STS: variants seen among roughly 807,000 people sequenced by gnomAD.
STS encodes the protein steroid sulfatase, also known as steryl-sulfatase.
In STS, 7 loss-of-function variants were observed where a neutral mutation model predicts 26.8. That is an observed-to-expected ratio of 0.26 (90% confidence interval 0.15 to 0.49). STS has a LOEUF of 0.49. Among genes scored for constraint, STS ranks in the 20% least tolerant of loss-of-function variants. The pLI is 0.98. For missense variants in STS, 434 were observed against 465.6 expected, an observed-to-expected ratio of 0.93 and a Z score of 0.63; for synonymous variants, 199 against 189.4, an observed-to-expected ratio of 1.05 and a Z score of -0.42.
intron 7 of STS, among the ~76,000 whole-genome samples, chrX:7,279,292 A>T (rs4402067): frequency 0.071 from 4,458 of 62,718 alleles, 113 homozygotes; most frequent in East Asian, 0.24. Flanking sequence ...AAAAAAAAAA[A>T]ATATATATAT....
intron 6 of STS, among the ~76,000 whole-genome samples, chrX:7,274,537 AC>A (rs1924436793): frequency 8.9e-6 from 1 of 112,196 alleles, no homozygotes; most frequent in Non-Finnish European, 1.9e-5. Context: ...TCAGAGGGCA[AC>A]CCGATGTGAA....
intron 9 of STS, among the ~76,000 whole-genome samples, chrX:7,328,509 C>T (rs1927586376): frequency 9.1e-6 from 1 of 109,409 alleles, no homozygotes; most frequent in Admixed American, 9.8e-5. Flanking sequence ...AGATTCCCCT[C>T]TGTTTCTGAT....
intron 2 of STS, among the ~76,000 whole-genome samples, chrX:7,223,172 C>T (rs1287502684): frequency 9.0e-6 from 1 of 111,541 alleles, no homozygotes; most frequent in African/African-American, 3.3e-5. Flanking sequence ...AGGTTGATTC[C>T]ATATCTTTGG....
intron 1 of STS, among the ~76,000 whole-genome samples, chrX:7,169,440 G>A (rs949627705): frequency 5.4e-5 from 6 of 111,899 alleles, no homozygotes; most frequent in Non-Finnish European, 9.4e-5. Context: ...TACCACATTC[G>A]GCTTATCCCT....
At chrX:7,307,115 T>C (rs919835033) in intron 8 of STS, among the ~76,000 whole-genome samples, 1 of 111,307 alleles carries the variant, frequency 9.0e-6, no homozygotes, top group Non-Finnish European at 1.9e-5. Flanking sequence ...ACAACCTTCA[T>C]AGGCTGCTCA....
Position 7,259,388 on chromosome X carries a change from A to C in STS, c.422A>C (p.Asp141Ala). The C allele has an allele frequency of 1.7e-6, 2 of 1,211,106 alleles. No individual in the cohort carries two copies. The highest frequency in any genetic ancestry group is 2.2e-6 in the Non-Finnish European group (2 of 895,224). The change falls in exon 6 of 11, where the codon GAC (aspartate) becomes GCC (alanine). Residue 141 changes from aspartate to alanine, a missense_variant. Asp to Ala is a moderately radical substitution (Grantham distance 126). Transcript: ENST00000674429. ...GGGATGAGCTGTCACAGCAAGACTG[A>C]CTTCTGTCACCACCCTTTACATCAC... is the stretch of plus-strand genomic sequence containing the variant. ...HLGMSCHSKTDFCHHPLHHGF... is the reference protein window; with the variant it reads ...HLGMSCHSKTAFCHHPLHHGF...
chrX:7,154,421 G>A (rs1301593656), intron 1 of STS, among the ~76,000 whole-genome samples: 1 of 112,474 alleles, frequency 8.9e-6, no homozygotes, highest in African/African-American at 3.2e-5. Context: ...TTGGCTCATT[G>A]TTTCATAGCA....
rs932832616 is a variant in STS, at chrX:7,304,952, C to T, written c.944-94C>T. 1.1e-5 allele frequency: 11 copies of T among 1,046,094 alleles called. No individual in the cohort carries two copies. The Admixed American group carries it at 1.1e-4, about 11-fold the overall frequency. 86.2% of individuals were successfully genotyped at this position (1,046,094 alleles called of 1,213,427 possible). On this transcript the variant is annotated intron_variant, in intron 7 of 10. Coordinates refer to ENST00000674429, the MANE Select transcript of STS (RefSeq NM_001320752.2). ...CAATATGTAAGAACGTTTACTTCCA[C>T]CTTGAGAAATTAGCCACCCACTGAG...
intron 2 of STS, 87 bp downstream of exon 2, chrX:7,191,095 G>A (rs1933863675): frequency 2.2e-6 from 1 of 451,944 alleles, no homozygotes; most frequent in South Asian, 1.2e-4. Context: ...AAGTCAAATA[G>A]TGGTATGCAG....
intron 9 of STS, among the ~76,000 whole-genome samples, chrX:7,333,610 G>T (rs770902459): frequency 8.9e-6 from 1 of 112,292 alleles, no homozygotes; most frequent in Non-Finnish European, 1.9e-5. Flanking sequence ...CTTTGATCAG[G>T]CAATAGACAG....
At chrX:7,246,649 G>A (rs1336584401) in intron 2 of STS, among the ~76,000 whole-genome samples, 1 of 111,650 alleles carries the variant, frequency 9.0e-6, no homozygotes, top group Non-Finnish European at 1.9e-5. Context: ...GCCCAGCACA[G>A]TGTTCACAGT....
chrX:7,292,352 T>C (rs534150234), intron 7 of STS, among the ~76,000 whole-genome samples: 7 of 112,426 alleles, frequency 6.2e-5, no homozygotes, highest in South Asian at 3.7e-4. Flanking sequence ...CAGATATCGT[T>C]GGCCAAGAAG....
intron 3 of STS, 78 bp downstream of exon 3, chrX:7,253,414 C>T: frequency 8.6e-7 from 1 of 1,162,348 alleles, no homozygotes; most frequent in Non-Finnish European, 1.2e-6. Context: ...TGTTGATCTA[C>T]AGAGCACAGA....
At chrX:7,192,343 C>G (rs917844334) in intron 2 of STS, among the ~76,000 whole-genome samples, 11 of 111,839 alleles carry the variant, frequency 9.8e-5, no homozygotes, top group Admixed American at 1.9e-4. Flanking sequence ...GCGGGCAGAT[C>G]GCCTGAGGTC....
At chrX:7,155,535 C>G (rs1394786391) in intron 1 of STS, among the ~76,000 whole-genome samples, 4 of 111,825 alleles carry the variant, frequency 3.6e-5, no homozygotes, top group African/African-American at 1.3e-4. Flanking sequence ...GTTATATAAT[C>G]TATATAAATA....
intron 7 of STS, among the ~76,000 whole-genome samples, chrX:7,299,568 A>G (rs1315202469): frequency 9.1e-6 from 1 of 109,306 alleles, no homozygotes; most frequent in Non-Finnish European, 1.9e-5. Flanking sequence ...ATATATAGTG[A>G]CTTCATAGCA....
intron 7 of STS, among the ~76,000 whole-genome samples, chrX:7,299,120 A>G (rs1601724053): frequency 2.1e-5 from 2 of 95,411 alleles, no homozygotes; most frequent in South Asian, 8.6e-4. Flanking sequence ...ATATATAAGT[A>G]TATATTTATA....
rs925751764 is a variant in STS at position 7,351,710 on chromosome X, T to C, written c.*1449T>C. 1.8e-5 allele frequency: 2 copies of C among 110,982 alleles called. No homozygotes were observed. Among genetic ancestry groups the C allele is most frequent in the African/African-American group, 6.6e-5 (2 of 30,489 alleles). The allele number at this position is 110,982 out of a possible 1,213,427, so 9.1% of individuals were successfully genotyped here. On this transcript the variant is annotated 3_prime_UTR_variant, in exon 11 of 11. Coordinates refer to ENST00000674429, the MANE Select transcript of STS (RefSeq NM_001320752.2). ...CAGAGTTTGCTCAATTCCAAGACAG[T>C]GCCCATGAATGGGACACCTGTAATG... is the stretch of plus-strand genomic sequence containing the variant.
At chrX:7,344,326 G>A (rs922890148) in intron 10 of STS, among the ~76,000 whole-genome samples, 8 of 111,601 alleles carry the variant, frequency 7.2e-5, no homozygotes, top group South Asian at 3.8e-4. Flanking sequence ...AGCAGCATCC[G>A]TGGCCTCTCC....
Sources: allele counts gnomAD v4.1 joint callset (sites outside exome capture counted in the v4.1 genomes callset), GRCh38; gene constraint gnomAD v4.1.1; transcripts MANE v1.5; gene names NCBI Gene and HGNC (gene_info 2026-07-23, HGNC 2026-07-21).